Variants in LRMDA observed in about 807,000 individuals in gnomAD.
LRMDA encodes leucine rich melanocyte differentiation associated.
LRMDA carries 18 observed loss-of-function variants against 29.8 expected under a neutral mutation model. The observed-to-expected ratio is 0.60, with a 90% CI of 0.42 to 0.90. The LOEUF (loss-of-function observed/expected upper bound fraction) is 0.90, where lower values mean the gene tolerates loss of function less well. LRMDA is among the 40% of genes least tolerant of loss of function. LRMDA has a pLI of 0.00. For missense variants in LRMDA, 273 were observed against 273.9 expected (o/e 1.00, Z 0.02); for synonymous variants, 125 against 109.4 (o/e 1.14, Z -0.89).
At chr10:75,866,118 G>A (rs946449142) in intron 2 of LRMDA, among the ~76,000 whole-genome samples, 2 of 152,134 alleles carry the variant, frequency 1.3e-5, no homozygotes, top group African/African-American at 4.8e-5. Flanking sequence ...CGTGCTGGCA[G>A]CCCAGGCTAC....
chr10:75,865,757 A>T (rs946500001), intron 2 of LRMDA, among the ~76,000 whole-genome samples: 50 of 149,536 alleles, frequency 3.3e-4, no homozygotes, highest in Non-Finnish European at 5.7e-4. Context: ...TTCTTGGCTA[A>T]TTTTTTTTTT....
intron 4 of LRMDA, among the ~76,000 whole-genome samples, chr10:76,047,896 A>G (rs1039963236): frequency 3.3e-5 from 5 of 152,326 alleles, no homozygotes; most frequent in Non-Finnish European, 7.3e-5. Flanking sequence ...ATGCGCTTTG[A>G]TGGGCTCCAA....
chr10:75,576,020 C>T (rs939168619), intron 2 of LRMDA, among the ~76,000 whole-genome samples: 1 of 150,638 alleles, frequency 6.6e-6, no homozygotes, highest in African/African-American at 2.4e-5. Context: ...TGAGACAGAA[C>T]CATTCACTCC....
chr10:76,224,542 A>G (rs1201892982), intron 5 of LRMDA, among the ~76,000 whole-genome samples: 4 of 152,092 alleles, frequency 2.6e-5, no homozygotes, highest in Non-Finnish European at 5.9e-5. Context: ...ACTACACTCC[A>G]GCCTGGGCAA....
chr10:75,954,891 T>C (rs568366451), intron 2 of LRMDA, among the ~76,000 whole-genome samples: 20 of 152,340 alleles, frequency 1.3e-4, no homozygotes, highest in Admixed American at 4.6e-4. Context: ...TTGGGAATGC[T>C]TTATTCCATG....
At chr10:76,295,217 A>G (rs2132352997) in intron 5 of LRMDA, among the ~76,000 whole-genome samples, 1 of 152,360 alleles carries the variant, frequency 6.6e-6, no homozygotes, top group South Asian at 2.1e-4. Context: ...CTTATTAAAC[A>G]AAATGATATT....
chr10:76,052,635 T>C (rs1172034885), intron 4 of LRMDA, among the ~76,000 whole-genome samples: 1 of 152,058 alleles, frequency 6.6e-6, no homozygotes, highest in African/African-American at 2.4e-5. Flanking sequence ...CTTAGAGGAG[T>C]CCTTTAAGCA....
intron 6 of LRMDA, among the ~76,000 whole-genome samples, chr10:76,502,576 C>T (rs989620182): frequency 6.6e-6 from 1 of 151,802 alleles, no homozygotes; most frequent in Non-Finnish European, 1.5e-5. Flanking sequence ...ATTTCACCCT[C>T]TTGGTTAGCT....
At chr10:75,825,397 C>G (rs1222437170) in intron 2 of LRMDA, among the ~76,000 whole-genome samples, 3 of 152,190 alleles carry the variant, frequency 2.0e-5, no homozygotes. Context: ...ACGTGATTTA[C>G]CACCTATAGT....
At chr10:76,167,893 A>G (rs560224515) in intron 5 of LRMDA, among the ~76,000 whole-genome samples, 3 of 152,216 alleles carry the variant, frequency 2.0e-5, no homozygotes, top group African/African-American at 7.2e-5. Flanking sequence ...TGAGCATGGA[A>G]TGTTTTTCCA....
chr10:76,009,194 C>A (rs958424010), intron 2 of LRMDA, among the ~76,000 whole-genome samples: 2 of 152,148 alleles, frequency 1.3e-5, no homozygotes, highest in Non-Finnish European at 2.9e-5. Context: ...CTAAAAACAC[C>A]CCTTTCTGCC....
At chr10:75,611,394 G>A (rs978432333) in intron 2 of LRMDA, among the ~76,000 whole-genome samples, 1 of 152,160 alleles carries the variant, frequency 6.6e-6, no homozygotes, top group Non-Finnish European at 1.5e-5. Flanking sequence ...CTATTTTTAA[G>A]TGTACAGCTC....
chr10:76,381,581 T>A (rs983962342), intron 6 of LRMDA, among the ~76,000 whole-genome samples: 1 of 152,174 alleles, frequency 6.6e-6, no homozygotes, highest in African/African-American at 2.4e-5. Flanking sequence ...TACCCTCTCC[T>A]CACATGGAAG....
At chr10:76,282,278 A>T (rs1840215877) in intron 5 of LRMDA, among the ~76,000 whole-genome samples, 1 of 152,202 alleles carries the variant, frequency 6.6e-6, no homozygotes, top group Admixed American at 6.5e-5. Context: ...GTAAATTTTT[A>T]ACTTAATTAA....
At chr10:75,978,684 A>T (rs1314003582) in intron 2 of LRMDA, among the ~76,000 whole-genome samples, 2 of 152,232 alleles carry the variant, frequency 1.3e-5, no homozygotes, top group Non-Finnish European at 2.9e-5. Flanking sequence ...TCCCAGGTAC[A>T]TAAAGCAGTA....
intron 2 of LRMDA, among the ~76,000 whole-genome samples, chr10:75,589,302 A>G (rs182228307): frequency 1.3e-4 from 20 of 152,330 alleles, no homozygotes; most frequent in African/African-American, 4.6e-4. Flanking sequence ...CCAATATGAT[A>G]GGTAAAAGAA....
chr10:76,261,676 T>C (rs905799430), intron 5 of LRMDA, among the ~76,000 whole-genome samples: 1 of 152,212 alleles, frequency 6.6e-6, no homozygotes, highest in Non-Finnish European at 1.5e-5. Flanking sequence ...GCAACACACA[T>C]GCCTTCAATA....
At chr10:75,830,469 T>A (rs1564579968) in intron 2 of LRMDA, among the ~76,000 whole-genome samples, 1 of 152,184 alleles carries the variant, frequency 6.6e-6, no homozygotes, top group African/African-American at 2.4e-5. Context: ...CAGTTCCATG[T>A]TGCTGGGGAA....
At position 76,007,760 on chromosome 10, in the gene LRMDA, G is replaced by A. The variant is rs867871854; in HGVS notation, c.132-28248G>A. Among the ~76,000 whole-genome samples the A allele has an allele frequency of 4.6e-5, 7 of 152,182 alleles. No homozygotes were observed. In the East Asian group the frequency reaches 9.6e-4, roughly 21 times the overall value. On this transcript the variant is annotated intron_variant, in intron 2 of 6. Transcript: ENST00000611255. Reference sequence around the variant, plus strand: ...GTTAATTGGTGTGTGAGCCTGAGATGCTCTTCCAAAGGATTTATCGTCAGA... The same window carrying A: ...GTTAATTGGTGTGTGAGCCTGAGATACTCTTCCAAAGGATTTATCGTCAGA...
Sources: allele counts gnomAD v4.1 joint callset (sites outside exome capture counted in the v4.1 genomes callset), GRCh38; gene constraint gnomAD v4.1.1; transcripts MANE v1.5; gene names NCBI Gene and HGNC (gene_info 2026-07-23, HGNC 2026-07-21).